ASH1L: variants seen among roughly 807,000 people sequenced by gnomAD.
The protein encoded by ASH1L is ASH1 like histone lysine methyltransferase, also known as histone-lysine N-methyltransferase ASH1L.
Under a neutral mutation model 269.0 loss-of-function variants are expected in ASH1L, and 23 were observed. The ratio of observed to expected loss-of-function variants is 0.09; its 90% CI spans 0.06 to 0.12. The LOEUF is 0.12. ASH1L is among the 10% of genes least tolerant of loss of function. The pLI is 1.00. For synonymous variants in ASH1L, 1,187 were observed against 1,253.5 expected (o/e 0.95, Z 1.12); for missense variants, 2,912 against 3,567.8 (o/e 0.82, Z 4.68).
rs141363971 is a variant in ASH1L at position 155,465,359 on chromosome 1, A to T, written c.4985-5461T>A. 8.0e-3 allele frequency among the ~76,000 whole-genome samples: 1,199 copies of T among 150,560 alleles called. 11 individuals carry two copies. The highest frequency in any genetic ancestry group is 0.013 in the Non-Finnish European group (890 of 67,574). Reference sequence around the variant, plus strand: ...GGTTGGACAAAACATATGTTTCTTTAGCCTAAGTTCACTATTAAAGCTTTT... The same window carrying T: ...GGTTGGACAAAACATATGTTTCTTTTGCCTAAGTTCACTATTAAAGCTTTT... On this transcript the variant is annotated intron_variant, in intron 3 of 27. Coordinates refer to ENST00000392403, the MANE Select transcript of ASH1L (RefSeq NM_018489.3).
intron 1 of ASH1L, among the ~76,000 whole-genome samples, chr1:155,532,181 T>C (rs543813708): frequency 3.9e-4 from 59 of 152,314 alleles, no homozygotes; most frequent in Admixed American, 3.6e-3. Flanking sequence ...TTCAAATCTC[T>C]GGAACAATGT....
intron 3 of ASH1L, among the ~76,000 whole-genome samples, chr1:155,474,302 G>A (rs1489639606): frequency 6.6e-6 from 1 of 152,094 alleles, no homozygotes; most frequent in Non-Finnish European, 1.5e-5. Flanking sequence ...CAGAGGAAAT[G>A]CTCTTATCTC....
intron 1 of ASH1L, among the ~76,000 whole-genome samples, chr1:155,535,647 T>TAA (rs767295479): frequency 1.5e-3 from 199 of 131,540 alleles, no homozygotes; most frequent in African/African-American, 5.3e-3. Context: ...CCCCATCTCT[T>TAA]AAAAAAAAAA....
chr1:155,493,360 T>C (rs1666937484), intron 2 of ASH1L, among the ~76,000 whole-genome samples: 1 of 152,250 alleles, frequency 6.6e-6, no homozygotes, highest in South Asian at 2.1e-4. Flanking sequence ...AAAGTAAATG[T>C]ATTTAGTCAA....
intron 5 of ASH1L, among the ~76,000 whole-genome samples, chr1:155,423,751 G>C (rs1048448160): frequency 6.6e-6 from 1 of 152,040 alleles, no homozygotes; most frequent in African/African-American, 2.4e-5. Flanking sequence ...CTTCTTTTGA[G>C]ACGGAGTCTC....
At chr1:155,538,567 C>T (rs970244234) in intron 1 of ASH1L, among the ~76,000 whole-genome samples, 5 of 150,770 alleles carry the variant, frequency 3.3e-5, no homozygotes, top group Admixed American at 2.6e-4. Flanking sequence ...CTATATTGAA[C>T]TCCTGACCTC....
chr1:155,479,018 A>C lies in ASH1L; in HGVS notation c.3852T>G (p.Asp1284Glu). The change falls in exon 3 of 28, where the codon GAT becomes GAG. Residue 1284 changes from aspartate to glutamate, a missense_variant. Transcript: ENST00000392403. ...CCTCCAGCTCTGCAATAAAGTCTGG[A>C]TCCTGTCTATTTCGAAGCTGGGGAT... ...KKYPQLRNRQ[D>E]PDFIAELEEL... 6.2e-7 allele frequency: 1 copy of C among 1,613,614 alleles called. No individual in the cohort carries two copies. The highest frequency in any genetic ancestry group is 8.5e-7 in the Non-Finnish European group (1 of 1,179,942).
intron 12 of ASH1L, among the ~76,000 whole-genome samples, chr1:155,367,759 A>G (rs1052482316): frequency 2.0e-5 from 3 of 152,174 alleles, no homozygotes; most frequent in Non-Finnish European, 4.4e-5. Flanking sequence ...ATTGGTTTAC[A>G]CTGATTTTTG....
At chr1:155,378,182 G>T in intron 10 of ASH1L, 99 bp downstream of exon 10, 4 of 868,622 alleles carry the variant, frequency 4.6e-6, no homozygotes, top group Non-Finnish European at 7.3e-6. Flanking sequence ...GCAACTTCTT[G>T]AAAAAAATCA....
chr1:155,437,166 T>C (rs186390962), intron 5 of ASH1L, among the ~76,000 whole-genome samples: 59 of 152,236 alleles, frequency 3.9e-4, no homozygotes, highest in African/African-American at 1.3e-3. Flanking sequence ...AAAGTAAAAA[T>C]GCAATCCACA....
At chr1:155,465,289 CAAAAAAAAAA>C (rs1171228344) in intron 3 of ASH1L, among the ~76,000 whole-genome samples, 3 of 62,576 alleles carry the variant, frequency 4.8e-5, no homozygotes, top group Non-Finnish European at 6.3e-5. Context: ...TACAAATTAG[CAAAAAAAAAA>C]AAAAAAAAAA....
intron 1 of ASH1L, among the ~76,000 whole-genome samples, chr1:155,522,851 C>T (rs1293681218): frequency 6.6e-6 from 1 of 151,914 alleles, no homozygotes; most frequent in Non-Finnish European, 1.5e-5. Context: ...CATACTCACC[C>T]GGCTAATTTT....
At chr1:155,490,968 C>CAAAAAAAAAAAAAA (rs767615285) in intron 2 of ASH1L, among the ~76,000 whole-genome samples, 2 of 61,380 alleles carry the variant, frequency 3.3e-5, no homozygotes, top group Admixed American at 2.3e-4. Flanking sequence ...ACCCTGATTC[C>CAAAAAAAAAAAAAA]AAAAAAAAAA....
chr1:155,441,765 C>CTTT (rs543915802), intron 4 of ASH1L, among the ~76,000 whole-genome samples: 2 of 125,460 alleles, frequency 1.6e-5, no homozygotes, highest in African/African-American at 3.0e-5. Context: ...TGCGCCTGGC[C>CTTT]TTTTTTTTTT....
chr1:155,400,028 G>C (rs1029875240), intron 6 of ASH1L, among the ~76,000 whole-genome samples: 4 of 152,146 alleles, frequency 2.6e-5, no homozygotes, highest in Admixed American at 6.6e-5. Flanking sequence ...GATTTCAAAG[G>C]AATCTGGGTA....
chr1:155,373,788 C>T (rs988697267), intron 10 of ASH1L, among the ~76,000 whole-genome samples: 5 of 152,074 alleles, frequency 3.3e-5, no homozygotes, highest in Non-Finnish European at 5.9e-5. Context: ...TCACCTCAGC[C>T]TCCAGAATAG....
intron 5 of ASH1L, among the ~76,000 whole-genome samples, chr1:155,424,917 C>T (rs1571178157): frequency 6.6e-6 from 1 of 151,512 alleles, no homozygotes; most frequent in East Asian, 2.0e-4. Flanking sequence ...AATGATTCTG[C>T]CTCAGCCTCA....
Position 155,439,735 on chromosome 1 carries a change from C to T in ASH1L, c.5087-667G>A, listed in dbSNP as rs189826724. Among the ~76,000 whole-genome samples the T allele has an allele frequency of 3.6e-4, 55 of 151,848 alleles. 1 individual carries two copies. Among genetic ancestry groups the T allele is most frequent in the Middle Eastern group, 3.4e-3 (1 of 294 alleles). On this transcript the variant is annotated intron_variant, in intron 4 of 27. Coordinates refer to ENST00000392403, the MANE Select transcript of ASH1L (RefSeq NM_018489.3). ...AATCAGTTCAAAATAAGTCACTTCC[C>T]ATGCTGCCTAGTTTACTACTATTAT...
intron 1 of ASH1L, among the ~76,000 whole-genome samples, chr1:155,526,487 T>G (rs555958707): frequency 4.0e-4 from 61 of 152,306 alleles, no homozygotes; most frequent in Admixed American, 6.5e-4. Context: ...AGAAAAACAA[T>G]AACACTCAAT....
Sources: allele counts gnomAD v4.1 joint callset (sites outside exome capture counted in the v4.1 genomes callset), GRCh38; gene constraint gnomAD v4.1.1; transcripts MANE v1.5; gene names NCBI Gene and HGNC (gene_info 2026-07-23, HGNC 2026-07-21).